Variants in CLIP2 observed in about 807,000 individuals in gnomAD.
The protein encoded by CLIP2 is CAP-Gly domain containing linker protein 2.
A neutral mutation model predicts 111.7 loss-of-function variants in CLIP2; 41 were observed. That is an observed-to-expected ratio of 0.37 (90% confidence interval 0.29 to 0.48). CLIP2 has a LOEUF of 0.48. Ranked by LOEUF, CLIP2 falls within the 20% of genes least tolerant of loss-of-function variation. The pLI is 0.99. For synonymous variants in CLIP2, 660 were observed against 644.2 expected (o/e 1.02, Z -0.37); for missense variants, 1,160 against 1,422.1 (o/e 0.82, Z 2.96).
chr7:74,338,375 T>A lies in CLIP2; in HGVS notation c.122-73T>A. The stretch of plus-strand genomic sequence containing the variant: ...AATCAGCCACCTCCCAACCCTAGAC[T>A]CTGTGCTCCTGGGGCCACCCAGGGG... On this transcript the variant is annotated intron_variant, in intron 2 of 16. Coordinates refer to ENST00000223398, the MANE Select transcript of CLIP2 (RefSeq NM_003388.5). This position sits in a 1 kb window ranked among gnomAD's most constrained non-coding sequence, Gnocchi z 4.3. 6.0e-6 allele frequency: 9 copies of A among 1,510,450 alleles called. No homozygotes were observed. Among genetic ancestry groups the A allele is most frequent in the Non-Finnish European group, 8.0e-6 (9 of 1,118,562 alleles). 93.6% of individuals were successfully genotyped at this position (1,510,450 alleles called of 1,614,324 possible). A position where few individuals can be genotyped will look rare whatever the true frequency, so the allele number is the denominator to read the frequency against.
At chr7:74,334,390 G>A (rs902907683) in intron 2 of CLIP2, among the ~76,000 whole-genome samples, 20 of 152,174 alleles carry the variant, frequency 1.3e-4, no homozygotes, top group Middle Eastern at 3.2e-3. Flanking sequence ...CCTGGGAGGG[G>A]AGGGAGTCGG....
chr7:74,316,131 T>C (rs1788765450), intron 1 of CLIP2, among the ~76,000 whole-genome samples: 1 of 149,954 alleles, frequency 6.7e-6, no homozygotes, highest in Non-Finnish European at 1.5e-5. Flanking sequence ...GAACATGTGG[T>C]GTTTGGTTTT....
At chr7:74,307,786 C>G (rs539330174) in intron 1 of CLIP2, among the ~76,000 whole-genome samples, 1 of 152,156 alleles carries the variant, frequency 6.6e-6, no homozygotes, top group Non-Finnish European at 1.5e-5. Flanking sequence ...CCACCGTGCC[C>G]GGCAACAGTA....
intron 1 of CLIP2, among the ~76,000 whole-genome samples, chr7:74,290,464 C>T (rs1416295173): frequency 6.6e-6 from 1 of 152,254 alleles, no homozygotes; most frequent in Admixed American, 6.5e-5. Flanking sequence ...CCGTTTGGAC[C>T]TTTCAGGCAG....
intron 7 of CLIP2, among the ~76,000 whole-genome samples, chr7:74,361,418 T>C (rs1790329714): frequency 1.3e-5 from 2 of 151,812 alleles, no homozygotes; most frequent in Non-Finnish European, 1.5e-5. Context: ...GGTTTTACCA[T>C]GTTGGCCAGG....
intron 8 of CLIP2, among the ~76,000 whole-genome samples, chr7:74,369,635 T>C (rs908415015): frequency 2.0e-5 from 3 of 151,728 alleles, no homozygotes; most frequent in Non-Finnish European, 4.4e-5. Context: ...GGCCAGCGGA[T>C]CATTCGAGGT....
intron 1 of CLIP2, among the ~76,000 whole-genome samples, chr7:74,303,398 A>G (rs1788391730): frequency 6.6e-6 from 1 of 152,146 alleles, no homozygotes; most frequent in African/African-American, 2.4e-5. Flanking sequence ...TGGGACTGGC[A>G]TTCTAGTGCA....
Position 74,380,796 on chromosome 7 carries a change from C to T in CLIP2, c.2422-10C>T. On this transcript the variant is annotated splice_polypyrimidine_tract_variant and intron_variant, in intron 10 of 16. Transcript: ENST00000223398. ...GGTGAGCATCCCCCTTACAGGGGCTCTTTTTGCAGATGATTGAGTCGAATG... is the reference window on the plus strand; with the variant it reads ...GGTGAGCATCCCCCTTACAGGGGCTTTTTTTGCAGATGATTGAGTCGAATG... The T allele has an allele frequency of 2.5e-6, 4 of 1,602,332 alleles. No homozygotes were observed. Among genetic ancestry groups the T allele is most frequent in the Non-Finnish European group, 3.4e-6 (4 of 1,171,964 alleles).
chr7:74,379,657 G>T (rs1268618867), intron 10 of CLIP2, among the ~76,000 whole-genome samples: 1 of 151,848 alleles, frequency 6.6e-6, no homozygotes, highest in African/African-American at 2.4e-5. Context: ...CCAGCTACTC[G>T]GGAGGCTGAG....
At chr7:74,316,512 A>G (rs1788776502) in intron 1 of CLIP2, among the ~76,000 whole-genome samples, 2 of 151,444 alleles carry the variant, frequency 1.3e-5, no homozygotes, top group Non-Finnish European at 1.5e-5. Flanking sequence ...TGGCCTCCCA[A>G]AGTGTTAGGA....
At position 74,397,123 on chromosome 7, in the gene CLIP2, C is replaced by G; in HGVS notation, c.2770C>G (p.Pro924Ala). 1.9e-6 allele frequency: 3 copies of G among 1,613,870 alleles called. No individual in the cohort carries two copies. In the South Asian group the frequency reaches 3.3e-5, roughly 18 times the overall value. ...GCTGCTGGAGGCCAATCGTCACTCC[C>G]CAGGGCCGGAGAGGGACCTGAGCCG... ...VLLLEANRHS[P>A]GPERDLSREV... is the part of the protein sequence containing the mutation. The change falls in exon 14 of 17, where the codon CCA becomes GCA. Residue 924 changes from proline (P) to alanine (A), a missense_variant. This residue lies in a region of CLIP2 where 676 missense variants were observed against 777.8 expected (regional missense o/e 0.87). Coordinates refer to ENST00000223398, the MANE Select transcript of CLIP2 (RefSeq NM_003388.5).
At chr7:74,309,122 G>C (rs1207913256) in intron 1 of CLIP2, among the ~76,000 whole-genome samples, 1 of 151,372 alleles carries the variant, frequency 6.6e-6, no homozygotes, top group Admixed American at 6.6e-5. Context: ...ACCCACCTCG[G>C]CCTCCCAAAG....
chr7:74,351,023 A>G (rs1226766785), intron 3 of CLIP2, among the ~76,000 whole-genome samples: 5 of 148,932 alleles, frequency 3.4e-5, no homozygotes, highest in African/African-American at 4.9e-5. Flanking sequence ...AAGGAAGGAA[A>G]GGGAAGAGAA....
At chr7:74,398,955 G>A (rs1328783904) in intron 14 of CLIP2, among the ~76,000 whole-genome samples, 1 of 152,212 alleles carries the variant, frequency 6.6e-6, no homozygotes, top group Non-Finnish European at 1.5e-5. Context: ...GGGAAGTGGC[G>A]GCCTCTGCCC....
rs782339395 is a variant in CLIP2 at position 74,386,477 on chromosome 7, G to T, written c.2480-44G>T. On this transcript the variant is annotated intron_variant, in intron 11 of 16. Transcript: ENST00000223398. The stretch of plus-strand genomic sequence containing the variant: ...CCATGGCCCTACCCACTGCTGCTTT[G>T]GTCCAGGAGCATTGATGCTTCTCGT... The T allele has an allele frequency of 1.9e-6, 3 of 1,545,618 alleles. No individual in the cohort carries two copies. The South Asian group carries it at 3.4e-5, about 18-fold the overall frequency.
At chr7:74,388,959 A>T in intron 12 of CLIP2, 144 bp from the exon 13 acceptor site, 1 of 1,011,494 alleles carries the variant, frequency 9.9e-7, no homozygotes, top group Non-Finnish European at 1.4e-6. Context: ...CAATCTCTAA[A>T]AAAACCGTCA....
At chr7:74,358,817 CA>C (rs1404743275) in intron 6 of CLIP2, among the ~76,000 whole-genome samples, 1 of 152,018 alleles carries the variant, frequency 6.6e-6, no homozygotes, top group African/African-American at 2.4e-5. Flanking sequence ...GTGACCCTCC[CA>C]CCTTGGTCTC....
At position 74,397,670 on chromosome 7, in the gene CLIP2, T is replaced by G. The variant is rs1012740687; in HGVS notation, c.2880+437T>G. ...CTGGGTGGCTGAGTTTTTTTTGTTT[T>G]TTTTTTTTTTTTTTGAGACAGAGTC... On this transcript the variant is annotated intron_variant, in intron 14 of 16. Coordinates refer to ENST00000223398, the MANE Select transcript of CLIP2 (RefSeq NM_003388.5). 7.0e-3 allele frequency among the ~76,000 whole-genome samples: 997 copies of G among 143,048 alleles called. 20 individuals carry two copies. The highest frequency in any genetic ancestry group is 0.023 in the African/African-American group (899 of 38,280). 93.8% of individuals were successfully genotyped at this position (143,048 alleles called of 152,430 possible).
chr7:74,351,530 C>A (rs1034830717), intron 3 of CLIP2, among the ~76,000 whole-genome samples: 1 of 151,604 alleles, frequency 6.6e-6, no homozygotes, highest in Admixed American at 6.6e-5. Context: ...GGAAGATGTG[C>A]TCTACTAAAA....
Sources: allele counts gnomAD v4.1 joint callset (sites outside exome capture counted in the v4.1 genomes callset), GRCh38; gene constraint gnomAD v4.1.1; regional missense constraint gnomAD v4.1.1; non-coding constraint Gnocchi (gnomAD v3.1); transcripts MANE v1.5; gene names NCBI Gene and HGNC (gene_info 2026-07-23, HGNC 2026-07-21).